Variants in PPA2 observed in about 807,000 individuals in gnomAD.
PPA2 encodes inorganic pyrophosphatase 2, mitochondrial.
In PPA2, 48 loss-of-function variants were observed where a neutral mutation model predicts 49.5. The observed-to-expected ratio is 0.97, with a 90% CI of 0.77 to 1.23. PPA2 has a LOEUF of 1.23. PPA2 is among the 50% of genes most tolerant of loss of function. The probability of loss-of-function intolerance (pLI) is 0.00; values close to 1 mark genes in which losing one functional copy is unlikely to be tolerated. For missense variants in PPA2, 429 were observed against 410.1 expected, an observed-to-expected ratio of 1.05 and a Z score of -0.40; for synonymous variants, 131 against 139.9, an observed-to-expected ratio of 0.94 and a Z score of 0.45.
intron 7 of PPA2, among the ~76,000 whole-genome samples, chr4:105,404,056 T>C: frequency 6.6e-6 from 1 of 152,106 alleles, no homozygotes; most frequent in South Asian, 2.1e-4. Context: ...AAAAGCCAAA[T>C]TGATAAGGTA....
At chr4:105,401,158 T>C (rs1734348859) in intron 7 of PPA2, among the ~76,000 whole-genome samples, 1 of 152,132 alleles carries the variant, frequency 6.6e-6, no homozygotes, top group Non-Finnish European at 1.5e-5. Flanking sequence ...AAAGCATACA[T>C]AGATATATAT....
At position 105,438,047 on chromosome 4, in the gene PPA2, T is replaced by C. The variant is rs771850189; in HGVS notation, c.442-11A>G. 6.3e-7 allele frequency: 1 copy of C among 1,586,038 alleles called. No individual in the cohort carries two copies. The highest frequency in any genetic ancestry group is 1.9e-5 in the Admixed American group (1 of 53,300). On this transcript the variant is annotated splice_polypyrimidine_tract_variant and intron_variant, in intron 5 of 11. Transcript: ENST00000341695. Reference sequence around the variant, plus strand: ...GGGATCTTCCCAAGTCTAAAATTTTTTTTTTAAAAAAAAGCAGAAATGTAA... The same window carrying C: ...GGGATCTTCCCAAGTCTAAAATTTTCTTTTTAAAAAAAAGCAGAAATGTAA...
chr4:105,459,908 G>C (rs1723015874), intron 1 of PPA2, among the ~76,000 whole-genome samples: 1 of 152,212 alleles, frequency 6.6e-6, no homozygotes, highest in Non-Finnish European at 1.5e-5. Context: ...TGGTAAGAGA[G>C]TAGGGTTGAC....
At chr4:105,405,884 G>A (rs1414341813) in intron 7 of PPA2, 7 of 453,916 alleles carry the variant, frequency 1.5e-5, no homozygotes, top group South Asian at 1.1e-4. Flanking sequence ...TGGAAGTTTG[G>A]CTCCTGTCAA....
At chr4:105,372,473 A>G (rs72962257) in intron 10 of PPA2, among the ~76,000 whole-genome samples, 6,029 of 152,296 alleles carry the variant, frequency 0.04, 401 homozygotes, top group African/African-American at 0.14. Flanking sequence ...TTATGTGTCA[A>G]CTTGGAGGGT....
At chr4:105,399,246 C>A in intron 7 of PPA2, 82 bp from the exon 8 acceptor site, 1 of 1,359,816 alleles carries the variant, frequency 7.4e-7, no homozygotes, top group South Asian at 1.5e-5. Context: ...ACTGAGGGAG[C>A]CAGGAAACAT....
chr4:105,457,700 A>G (rs1722927306), intron 1 of PPA2, among the ~76,000 whole-genome samples: 1 of 152,078 alleles, frequency 6.6e-6, no homozygotes. Flanking sequence ...AGTAGCTGGG[A>G]CTACAGGCAT....
intron 5 of PPA2, among the ~76,000 whole-genome samples, chr4:105,439,226 T>C (rs1227822196): frequency 6.6e-6 from 1 of 152,176 alleles, no homozygotes; most frequent in Non-Finnish European, 1.5e-5. Context: ...TATAGATAAG[T>C]AAATTGAAAC....
chr4:105,445,662 T>C (rs1014535980), intron 5 of PPA2, among the ~76,000 whole-genome samples: 1 of 152,108 alleles, frequency 6.6e-6, no homozygotes, highest in Admixed American at 6.5e-5. Context: ...GGTCTATGGT[T>C]TTTATAAACA....
intron 9 of PPA2, among the ~76,000 whole-genome samples, chr4:105,391,710 G>A (rs1198671273): frequency 2.6e-5 from 4 of 152,134 alleles, no homozygotes; most frequent in Admixed American, 1.3e-4. Context: ...AGGCTGGAAA[G>A]GCAGGTTTGG....
rs1732923235 is a variant in PPA2, at chr4:105,369,233, T to G, written c.*492A>C. On this transcript the variant is annotated 3_prime_UTR_variant, in exon 12 of 12. Transcript: ENST00000341695. ...GCTATGAAATGAAACAAAATCTTTT[T>G]TTTTTTTTTGAGACGGAGTCTCTCT... 1 of 151,974 alleles carries G rather than the reference T, an allele frequency of 6.6e-6. No individual in the cohort carries two copies. Among genetic ancestry groups the G allele is most frequent in the Non-Finnish European group, 1.5e-5 (1 of 68,056 alleles). The allele number at this position is 151,974 out of a possible 1,614,324, so 9.4% of individuals were successfully genotyped here.
intron 7 of PPA2, among the ~76,000 whole-genome samples, chr4:105,416,797 T>A (rs1227639950): frequency 6.6e-6 from 1 of 152,220 alleles, no homozygotes; most frequent in Non-Finnish European, 1.5e-5. Flanking sequence ...TCTTTCATTG[T>A]TCTTGCCCTT....
intron 1 of PPA2, among the ~76,000 whole-genome samples, chr4:105,463,623 G>A (rs2110327572): frequency 6.6e-6 from 1 of 152,344 alleles, no homozygotes; most frequent in South Asian, 2.1e-4. Flanking sequence ...CAGGCCCTGA[G>A]GCCTAGTAGG....
chr4:105,421,975 G>T (rs1436422138), intron 7 of PPA2, among the ~76,000 whole-genome samples: 1 of 152,014 alleles, frequency 6.6e-6, no homozygotes, highest in Non-Finnish European at 1.5e-5. Flanking sequence ...CCTAGGAGGC[G>T]GTGGTTGCAG....
chr4:105,454,296 CTGCTGCTGTTGTTGTTGT>C lies in PPA2; in HGVS notation c.223-672_223-655del, dbSNP rs1242023331. Among the ~76,000 whole-genome samples the C allele has an allele frequency of 6.4e-3, 746 of 115,674 alleles. 9 individuals carry two copies. Among genetic ancestry groups the C allele is most frequent in the African/African-American group, 0.026 (703 of 27,050 alleles). 75.9% of individuals were successfully genotyped at this position (115,674 alleles called of 152,430 possible). On this transcript the variant is annotated intron_variant, in intron 2 of 11. Transcript: ENST00000341695. ...CTCTGAAACATTATTTTTGTTTTTG[CTGCTGCTGTTGTTGTTGT>C]TGTTGTTGTTGTTGTTGTTGTTGTT...
chr4:105,462,396 C>G (rs1056468643), intron 1 of PPA2, among the ~76,000 whole-genome samples: 1 of 152,148 alleles, frequency 6.6e-6, no homozygotes, highest in Non-Finnish European at 1.5e-5. Context: ...GTTGTTAAGC[C>G]AAAGCAATGC....
At chr4:105,442,082 G>A (rs1023251402) in intron 5 of PPA2, among the ~76,000 whole-genome samples, 6 of 150,892 alleles carry the variant, frequency 4.0e-5, no homozygotes, top group Admixed American at 2.0e-4. Context: ...ATAGCTCACT[G>A]CAACCTTAAA....
intron 7 of PPA2, among the ~76,000 whole-genome samples, chr4:105,400,847 A>C (rs1453122094): frequency 6.6e-6 from 1 of 152,162 alleles, no homozygotes; most frequent in Non-Finnish European, 1.5e-5. Flanking sequence ...AGGACCCAAT[A>C]AGCAAAGACA....
At chr4:105,410,668 G>A (rs1183104663) in intron 7 of PPA2, among the ~76,000 whole-genome samples, 1 of 152,168 alleles carries the variant, frequency 6.6e-6, no homozygotes. Flanking sequence ...CAGAGAGAAA[G>A]GTCAGGTTAC....
Sources: gnomAD v4.1 joint callset for allele counts (sites outside exome capture counted in the v4.1 genomes callset) on GRCh38, gnomAD v4.1.1 for gene constraint, MANE v1.5 for transcripts, NCBI Gene and HGNC (gene_info 2026-07-23, HGNC 2026-07-21) for gene names.